UBE3D: variants seen among roughly 807,000 people sequenced by gnomAD.
The protein encoded by UBE3D is ubiquitin protein ligase E3D.
Under a neutral mutation model 49.6 loss-of-function variants are expected in UBE3D, and 48 were observed. The ratio of observed to expected loss-of-function variants is 0.97; its 90% CI spans 0.77 to 1.23. The LOEUF (loss-of-function observed/expected upper bound fraction) is 1.23. Among genes scored for constraint, UBE3D ranks in the 50% most tolerant of loss-of-function variants. The pLI is 0.00. For synonymous variants in UBE3D, 189 were observed against 174.2 expected, an observed-to-expected ratio of 1.08 and a Z score of -0.67; for missense variants, 452 against 468.4, an observed-to-expected ratio of 0.96 and a Z score of 0.32.
At chr6:83,035,191 A>G (rs1033869359) in intron 5 of UBE3D, among the ~76,000 whole-genome samples, 6 of 152,016 alleles carry the variant, frequency 3.9e-5, no homozygotes, top group Non-Finnish European at 8.8e-5. Flanking sequence ...AAAAAAAAAA[A>G]AAAAAATCTT....
At chr6:82,920,197 GT>G (rs1295652941) in intron 9 of UBE3D, among the ~76,000 whole-genome samples, 3 of 152,166 alleles carry the variant, frequency 2.0e-5, no homozygotes, top group African/African-American at 7.2e-5. Flanking sequence ...GGGGATCCAT[GT>G]TTAGTAATGA....
At chr6:82,940,522 A>G (rs1774930388) in intron 9 of UBE3D, among the ~76,000 whole-genome samples, 1 of 152,222 alleles carries the variant, frequency 6.6e-6, no homozygotes. Flanking sequence ...GAAGGTGCCA[A>G]CACCACTCCC....
intron 3 of UBE3D, among the ~76,000 whole-genome samples, chr6:83,051,809 G>C (rs1783487742): frequency 6.6e-6 from 1 of 152,220 alleles, no homozygotes; most frequent in South Asian, 2.1e-4. Flanking sequence ...ACTCAAGACA[G>C]TCACTCTGAG....
At chr6:83,035,810 G>A (rs1782205326) in intron 5 of UBE3D, among the ~76,000 whole-genome samples, 1 of 152,092 alleles carries the variant, frequency 6.6e-6, no homozygotes, top group Non-Finnish European at 1.5e-5. Flanking sequence ...CCTACATTCT[G>A]TTGTCTCTAT....
intron 8 of UBE3D, among the ~76,000 whole-genome samples, chr6:83,016,579 A>G (rs1780714158): frequency 1.3e-5 from 2 of 152,156 alleles, no homozygotes; most frequent in East Asian, 1.9e-4. Context: ...GGCTCTCTAG[A>G]GGGACGGAAC....
At chr6:82,977,113 C>CAAAAAAAA (rs58424434) in intron 8 of UBE3D, among the ~76,000 whole-genome samples, 8 of 42,582 alleles carry the variant, frequency 1.9e-4, no homozygotes, top group African/African-American at 5.6e-4. Flanking sequence ...GACTCCATCT[C>CAAAAAAAA]AAAAAAAAAA....
chr6:82,896,817 C>T (rs954112149), intron 9 of UBE3D, among the ~76,000 whole-genome samples: 3 of 151,762 alleles, frequency 2.0e-5, no homozygotes, highest in Admixed American at 1.3e-4. Flanking sequence ...TCTTGGCTCA[C>T]GGCAACCTCT....
At chr6:82,890,435 C>T (rs1291219266), downstream of UBE3D, among the ~76,000 whole-genome samples, 1 of 152,204 alleles carries the variant, frequency 6.6e-6, no homozygotes, top group Non-Finnish European at 1.5e-5. Context: ...TGCTGGCCCT[C>T]CCTTCCCAAC....
At chr6:83,018,881 A>T in intron 8 of UBE3D, 92 bp downstream of exon 8, 1 of 1,431,110 alleles carries the variant, frequency 7.0e-7, no homozygotes, top group Non-Finnish European at 9.7e-7. Context: ...GGGAAATGGT[A>T]TAGTGGCATT....
chr6:82,949,106 A>G (rs1775607306), intron 9 of UBE3D, among the ~76,000 whole-genome samples: 1 of 152,122 alleles, frequency 6.6e-6, no homozygotes, highest in Non-Finnish European at 1.5e-5. Context: ...ATATGATCTT[A>G]TATTTAGAAA....
chr6:82,940,579 T>G (rs1177918273), intron 9 of UBE3D, among the ~76,000 whole-genome samples: 2 of 152,074 alleles, frequency 1.3e-5, no homozygotes, highest in Non-Finnish European at 2.9e-5. Flanking sequence ...AAGTGCTGAG[T>G]GAAAATTCTA....
chr6:82,971,902 T>C (rs182404143), intron 8 of UBE3D, among the ~76,000 whole-genome samples: 261 of 152,326 alleles, frequency 1.7e-3, no homozygotes, highest in Non-Finnish European at 2.3e-3. Context: ...TTCAAAATGT[T>C]TGACGCTTTC....
intron 5 of UBE3D, among the ~76,000 whole-genome samples, chr6:83,032,508 T>G (rs910203904): frequency 1.3e-5 from 2 of 152,240 alleles, no homozygotes; most frequent in South Asian, 4.1e-4. Flanking sequence ...TAAAGTCTCA[T>G]AGGTGGAAGG....
chr6:83,065,302 G>C (rs1278612880), intron 1 of UBE3D, among the ~76,000 whole-genome samples: 1 of 152,124 alleles, frequency 6.6e-6, no homozygotes, highest in African/African-American at 2.4e-5. Context: ...TGGAAACGCC[G>C]GGCACTGCCA....
chr6:82,975,640 A>G (rs567043800), intron 8 of UBE3D, among the ~76,000 whole-genome samples: 1 of 152,286 alleles, frequency 6.6e-6, no homozygotes, highest in East Asian at 1.9e-4. Context: ...ATATGGATTA[A>G]CATTACTTTT....
chr6:82,989,803 A>G (rs1778764795), intron 8 of UBE3D, among the ~76,000 whole-genome samples: 1 of 152,196 alleles, frequency 6.6e-6, no homozygotes, highest in Admixed American at 6.5e-5. Context: ...AATTACTTAT[A>G]TGTAAGCCCT....
At position 83,027,154 on chromosome 6, in the gene UBE3D, T is replaced by C. The variant is rs139891211; in HGVS notation, c.668-3116A>G. Reference sequence around the variant, plus strand: ...AATTTCTTTTCATAAGAAACCACTATGGGCTGGGCGCAGTGGCTCACGCCT... The same window carrying C: ...AATTTCTTTTCATAAGAAACCACTACGGGCTGGGCGCAGTGGCTCACGCCT... On this transcript the variant is annotated intron_variant, in intron 5 of 9. Transcript: ENST00000369747. Among the ~76,000 whole-genome samples, 92 of 152,016 alleles carry C rather than the reference T, an allele frequency of 6.1e-4. 6 individuals are homozygous for C. The highest frequency in any genetic ancestry group is 2.1e-3 in the African/African-American group (86 of 41,438).
intron 8 of UBE3D, among the ~76,000 whole-genome samples, chr6:83,016,576 T>C (rs1780713669): frequency 6.6e-6 from 1 of 152,008 alleles, no homozygotes; most frequent in Non-Finnish European, 1.5e-5. Flanking sequence ...CAGGGCTCTC[T>C]AGAGGGACGG....
In UBE3D at chr6:83,057,821, C is replaced by T; in HGVS notation, c.274+5G>A. 2 of 1,613,208 alleles carry T rather than the reference C, an allele frequency of 1.2e-6. No individual in the cohort carries two copies. The highest frequency in any genetic ancestry group is 1.7e-6 in the Non-Finnish European group (2 of 1,179,328). On this transcript the variant is annotated splice_donor_5th_base_variant and intron_variant, in intron 2 of 9. Coordinates refer to ENST00000369747, the MANE Select transcript of UBE3D (RefSeq NM_198920.3). ...TACAGCAGCAGAAGTGCTAATATTA[C>T]TCACTTGTGCCTAATTTTGCTTGCG...
Sources: gnomAD v4.1 joint callset for allele counts (sites outside exome capture counted in the v4.1 genomes callset) on GRCh38, gnomAD v4.1.1 for gene constraint, MANE v1.5 for transcripts, NCBI Gene and HGNC (gene_info 2026-07-23, HGNC 2026-07-21) for gene names.